Variants in PLK1 observed in about 807,000 individuals in gnomAD.
PLK1 encodes polo like kinase 1.
PLK1 carries 6 observed loss-of-function variants against 56.7 expected under a neutral mutation model. The observed-to-expected ratio is 0.11, with a 90% confidence interval of 0.06 to 0.21. The LOEUF (loss-of-function observed/expected upper bound fraction) is 0.21. PLK1 is among the 10% of genes least tolerant of loss of function. The pLI, the probability that PLK1 is intolerant of heterozygous loss-of-function variation, is 1.00. For synonymous variants in PLK1, 298 were observed against 325.0 expected (o/e 0.92, Z 0.89); for missense variants, 546 against 814.4 (o/e 0.67, Z 4.01).
intron 6 of PLK1, 118 bp from the exon 7 acceptor site, chr16:23,688,550 C>T (rs1176254616): frequency 2.5e-6 from 2 of 813,590 alleles, no homozygotes; most frequent in South Asian, 1.4e-5. Flanking sequence ...GGCCTCTCAA[C>T]TGAGCCCAGG....
chr16:23,683,244 G>A (rs974498876), intron 4 of PLK1, among the ~76,000 whole-genome samples: 2 of 151,814 alleles, frequency 1.3e-5, no homozygotes, highest in African/African-American at 4.8e-5. Context: ...CACCTGCTTC[G>A]GACTCCCTAA....
chr16:23,690,015 C>G lies in PLK1; in HGVS notation c.1764C>G (p.Asp588Glu), dbSNP rs148952170. Residue 588 changes from aspartate to glutamate, a missense_variant, in exon 10 of 10, where the codon GAC becomes GAG. Asp to Glu is a conservative substitution (Grantham distance 45). Coordinates refer to ENST00000300093, the MANE Select transcript of PLK1 (RefSeq NM_005030.6). ...SRLRYARTMV[D>E]KLLSSRSASN... Reference sequence around the variant, plus strand: ...TCCGCTACGCCCGCACTATGGTGGACAAGCTGCTGAGCTCACGCTCGGCCA... The same window carrying G: ...TCCGCTACGCCCGCACTATGGTGGAGAAGCTGCTGAGCTCACGCTCGGCCA... 2.2e-5 allele frequency: 36 copies of G among 1,613,160 alleles called. No homozygotes were observed. The highest frequency in any genetic ancestry group is 5.9e-6 in the Non-Finnish European group (7 of 1,180,006).
chr16:23,690,136 C>A lies in PLK1; in HGVS notation c.*73C>A. On this transcript the variant is annotated 3_prime_UTR_variant, in exon 10 of 10. Coordinates refer to ENST00000300093, the MANE Select transcript of PLK1 (RefSeq NM_005030.6). ...TCTGGGGCCCATACTGGTTGGCTCCCGCGGTGCCATGTCTGCAGTGTGCCC... is the reference window on the plus strand; with the variant it reads ...TCTGGGGCCCATACTGGTTGGCTCCAGCGGTGCCATGTCTGCAGTGTGCCC... The A allele has an allele frequency of 1.7e-6, 2 of 1,209,638 alleles. No homozygotes were observed. The highest frequency in any genetic ancestry group is 1.2e-5 in the South Asian group (1 of 80,350). 74.9% of individuals were successfully genotyped at this position (1,209,638 alleles called of 1,614,324 possible).
At chr16:23,683,839 C>G in intron 4 of PLK1, 31 bp from the exon 5 acceptor site, 2 of 1,562,042 alleles carry the variant, frequency 1.3e-6, no homozygotes, top group Non-Finnish European at 1.8e-6. Context: ...CCTTCACATT[C>G]TGCTTATGGC....
chr16:23,682,524 C>CTTTT lies in PLK1; in HGVS notation c.816+382_816+385dup, dbSNP rs375256991. ...ATCACATTGGGCAAATGGCCTGCAT[C>CTTTT]TTTTTTTTTTTTTTTTTTATTTGAG... On this transcript the variant is annotated intron_variant, in intron 4 of 9. Transcript: ENST00000300093. Among the ~76,000 whole-genome samples, 450 of 136,134 alleles carry CTTTT rather than the reference C, an allele frequency of 3.3e-3. 3 individuals carry two copies. Among genetic ancestry groups the CTTTT allele is most frequent in the African/African-American group, 0.011 (407 of 36,866 alleles). 89.3% of individuals were successfully genotyped at this position (136,134 alleles called of 152,430 possible).
chr16:23,679,313 C>G lies in PLK1; in HGVS notation c.381C>G (p.Phe127Leu). ...TTTTCGAGGACAACGACTTCGTGTT[C>G]GTGGTGTTGGAGCTCTGCCGCCGGA... ...HGFFEDNDFV[F>L]VVLELCRRRS... Residue 127 changes from phenylalanine (F) to leucine (L), a missense_variant, in exon 1 of 10, where the codon TTC (phenylalanine) becomes TTG (leucine). Coordinates refer to ENST00000300093, the MANE Select transcript of PLK1 (RefSeq NM_005030.6). 6 of 1,613,334 alleles carry G rather than the reference C, an allele frequency of 3.7e-6. No individual in the cohort carries two copies. The highest frequency in any genetic ancestry group is 5.1e-6 in the Non-Finnish European group (6 of 1,179,720).
chr16:23,682,686 CTTTT>C (rs761280920), intron 4 of PLK1, among the ~76,000 whole-genome samples: 1 of 134,204 alleles, frequency 7.5e-6, no homozygotes, highest in Non-Finnish European at 1.6e-5. Flanking sequence ...CCTCGCCTGG[CTTTT>C]TTTTTTTTTT....
chr16:23,687,602 G>C lies in PLK1; in HGVS notation c.1170G>C (p.Ser390=). 1.9e-6 allele frequency: 3 copies of C among 1,592,824 alleles called. No individual in the cohort carries two copies. The highest frequency in any genetic ancestry group is 2.6e-6 in the Non-Finnish European group (3 of 1,166,168). ...QLHSVNASKP[S]ERGLVRQEEA... is the part of the protein sequence containing the mutation. ...ACAGTGTCAATGCCTCCAAGCCCTCGGAGCGTGGGCTGGTCAGGCAAGGTG... is the reference window on the plus strand; with the variant it reads ...ACAGTGTCAATGCCTCCAAGCCCTCCGAGCGTGGGCTGGTCAGGCAAGGTG... The change falls in exon 6 of 10, where the codon TCG becomes TCC. Residue 390 remains serine (S), a synonymous_variant. Transcript: ENST00000300093.
chr16:23,685,600 C>G (rs1269714888), intron 5 of PLK1, among the ~76,000 whole-genome samples: 5 of 151,744 alleles, frequency 3.3e-5, no homozygotes, highest in Non-Finnish European at 7.4e-5. Flanking sequence ...CTCAGCTACT[C>G]GGGACACTGA....
intron 3 of PLK1, 111 bp downstream of exon 3, chr16:23,681,169 T>C: frequency 1.1e-6 from 1 of 921,648 alleles, no homozygotes; most frequent in Non-Finnish European, 1.7e-6. Flanking sequence ...ACAGAAAGCC[T>C]ACTCCAAGGG....
Position 23,687,516 on chromosome 16 carries a change from G to C in PLK1, c.1084G>C (p.Val362Leu). 2 of 1,601,322 alleles carry C rather than the reference G, an allele frequency of 1.2e-6. No individual in the cohort carries two copies. The highest frequency in any genetic ancestry group is 1.7e-6 in the Non-Finnish European group (2 of 1,172,558). The change falls in exon 6 of 10, where the codon GTG becomes CTG. Residue 362 changes from valine to leucine, a missense_variant. Physicochemically the swap from Val to Leu is conservative, Grantham distance 32. Transcript: ENST00000300093. ...GCGTCCCCGGGAAAAAGAAGAACCA[G>C]TGGTTCGAGAGACAGGTGAGGTGGT... ...PERPREKEEP[V>L]VRETGEVVDC... is the part of the protein sequence containing the mutation.
Position 23,689,451 on chromosome 16 carries a change from A to G in PLK1, c.1426-43A>G. ...GCAGAAGTGGGACCTGTGCTGGAGG[A>G]TCAGACTCTAATTCTGGAACCCCTT... is the stretch of plus-strand genomic sequence containing the variant. On this transcript the variant is annotated intron_variant, in intron 8 of 9. Transcript: ENST00000300093. This position sits in a 1 kb window ranked among gnomAD's most constrained non-coding sequence, Gnocchi z 4.8. 1 of 1,599,568 alleles carries G rather than the reference A, an allele frequency of 6.3e-7. No individual in the cohort carries two copies. The highest frequency in any genetic ancestry group is 8.6e-7 in the Non-Finnish European group (1 of 1,168,012).
At position 23,688,499 on chromosome 16, in the gene PLK1, C is replaced by A. The variant is rs561105453; in HGVS notation, c.1193-169C>A. Among the ~76,000 whole-genome samples, 55 of 152,368 alleles carry A rather than the reference C, an allele frequency of 3.6e-4. 1 individual carries two copies. The highest frequency in any genetic ancestry group is 5.9e-4 in the Non-Finnish European group (40 of 68,040). On this transcript the variant is annotated intron_variant, in intron 6 of 9. Transcript: ENST00000300093. ...CTGTGCTGCTGCTTGTCTGAGCCTG[C>A]TGGCAGCAGAGGCCCTGCTTTGCTC...
rs757530967 is a variant in PLK1 at position 23,689,723 on chromosome 16, G to A, written c.1608+47G>A. ...GCAGGAGAGAGCTGGGGTAGGCTCC[G>A]CATGCCTGGCAGTGGCCCATGTGGG... On this transcript the variant is annotated intron_variant, in intron 9 of 9. Coordinates refer to ENST00000300093, the MANE Select transcript of PLK1 (RefSeq NM_005030.6). The surrounding 1 kb of genome is among the most constrained non-coding windows in gnomAD (Gnocchi z 4.8). The A allele has an allele frequency of 4.1e-5, 64 of 1,563,132 alleles. No individual in the cohort carries two copies. Among genetic ancestry groups the A allele is most frequent in the Admixed American group, 5.3e-5 (3 of 56,980 alleles).
At chr16:23,680,390 A>T in intron 2 of PLK1, 138 bp downstream of exon 2, 1 of 646,648 alleles carries the variant, frequency 1.5e-6, no homozygotes, top group Middle Eastern at 4.2e-4. Context: ...GCCCCAATGC[A>T]ATATTTTTTT....
Position 23,687,801 on chromosome 16 carries a change from T to C in PLK1, c.1192+177T>C, listed in dbSNP as rs149888550. 8.4e-5 allele frequency: 35 copies of C among 416,998 alleles called. No individual in the cohort carries two copies. In the East Asian group the frequency reaches 1.2e-3, roughly 14 times the overall value. The allele number at this position is 416,998 out of a possible 1,614,324, so 25.8% of individuals were successfully genotyped here. ...CTTCCGTGGCTCCTGCCGCCTTTTC[T>C]GATCCGTCTTTTTTACTCTAGCACC... is the stretch of plus-strand genomic sequence containing the variant. On this transcript the variant is annotated intron_variant, in intron 6 of 9. Coordinates refer to ENST00000300093, the MANE Select transcript of PLK1 (RefSeq NM_005030.6).
chr16:23,683,830 C>T, intron 4 of PLK1, 40 bp from the exon 5 acceptor site: 1 of 1,516,106 alleles, frequency 6.6e-7, no homozygotes. Context: ...TCCAGGTCCC[C>T]TTCACATTCT....
rs1959500797 is a variant in PLK1, at chr16:23,689,481, A to G, written c.1426-13A>G. On this transcript the variant is annotated splice_polypyrimidine_tract_variant and intron_variant, in intron 8 of 9. Transcript: ENST00000300093. The surrounding 1 kb of genome is among the most constrained non-coding windows in gnomAD (Gnocchi z 4.8). ...ACTCTAATTCTGGAACCCCTTACCT[A>G]CTTTTCATCCAGATCACCCTCCTTA... 1 of 1,604,306 alleles carries G rather than the reference A, an allele frequency of 6.2e-7. No individual in the cohort carries two copies. The highest frequency in any genetic ancestry group is 1.1e-5 in the South Asian group (1 of 90,822).
In PLK1 at chr16:23,683,972, T is replaced by G; in HGVS notation, c.919T>G (p.Ser307Ala). Reference protein sequence around the residue: ...NELLNDEFFTSGYIPARLPIT... With the variant: ...NELLNDEFFTAGYIPARLPIT... ...GCTGCTTAATGACGAGTTCTTTACT[T>G]CTGGCTATATCCCTGCCCGTCTCCC... The change falls in exon 5 of 10, where the codon TCT (serine) becomes GCT (alanine). Residue 307 changes from serine (S) to alanine (A), a missense_variant. Transcript: ENST00000300093. 6.2e-7 allele frequency: 1 copy of G among 1,614,094 alleles called. No individual in the cohort carries two copies. The highest frequency in any genetic ancestry group is 1.1e-5 in the South Asian group (1 of 91,086).
Sources: allele counts gnomAD v4.1 joint callset (sites outside exome capture counted in the v4.1 genomes callset), GRCh38; gene constraint gnomAD v4.1.1; non-coding constraint Gnocchi (gnomAD v3.1); transcripts MANE v1.5; gene names NCBI Gene and HGNC (gene_info 2026-07-23, HGNC 2026-07-21).